SEMA7A: variants seen among roughly 807,000 people sequenced by gnomAD.
SEMA7A encodes semaphorin 7A (JohnMiltonHagen blood group).
SEMA7A carries 21 observed loss-of-function variants against 67.5 expected under a neutral mutation model. The observed-to-expected ratio is 0.31, with a 90% CI of 0.22 to 0.45. SEMA7A has a LOEUF of 0.45. Among genes scored for constraint, SEMA7A ranks in the 20% least tolerant of loss-of-function variants. The pLI is 1.00. For missense variants in SEMA7A, 774 were observed against 908.6 expected (o/e 0.85, Z 1.90); for synonymous variants, 364 against 368.5 (o/e 0.99, Z 0.14).
chr15:74,430,533 A>G (rs1009027422), intron 1 of SEMA7A, among the ~76,000 whole-genome samples: 3 of 152,136 alleles, frequency 2.0e-5, no homozygotes, highest in Non-Finnish European at 4.4e-5. Context: ...CCCCTATACC[A>G]TGGTCATCAT....
intron 8 of SEMA7A, 114 bp downstream of exon 8, chr15:74,415,687 C>A (rs1316826642): frequency 9.3e-6 from 10 of 1,073,640 alleles, no homozygotes; most frequent in Middle Eastern, 3.1e-4. Context: ...CCTCTTGAGC[C>A]TGCAGCCCCT....
Position 74,417,577 on chromosome 15 carries a change from C to T in SEMA7A, c.550+14G>A, listed in dbSNP as rs2060962411. 3 of 1,610,196 alleles carry T rather than the reference C, an allele frequency of 1.9e-6. No homozygotes were observed. The highest frequency in any genetic ancestry group is 1.6e-4 in the Middle Eastern group (1 of 6,076). ...AAGCATCCCCCTGGGGCGCCTGCTC[C>T]AGCACTGCCCTACCTTCAAACAGAA... On this transcript the variant is annotated intron_variant, in intron 5 of 13. Transcript: ENST00000261918.
intron 1 of SEMA7A, among the ~76,000 whole-genome samples, chr15:74,420,143 G>GC (rs2060987727): frequency 6.6e-6 from 1 of 152,186 alleles, no homozygotes; most frequent in Non-Finnish European, 1.5e-5. Context: ...CCTCAACTCT[G>GC]CCCCCGATCC....
At position 74,410,930 on chromosome 15, in the gene SEMA7A, G is replaced by C; in HGVS notation, c.1695C>G (p.Ser565Arg). ...SLAPNSRYYL[S>R]CPMESRHATY... ...TGGCGTGGCGGGATTCCATGGGGCAGCTCAGGTAGTAGCGAGAGTTTGGGG... is the reference window on the plus strand; with the variant it reads ...TGGCGTGGCGGGATTCCATGGGGCACCTCAGGTAGTAGCGAGAGTTTGGGG... The change falls in exon 14 of 14, where the codon AGC becomes AGG. Residue 565 changes from serine to arginine, a missense_variant. Physicochemically the swap from Ser to Arg is moderately radical, Grantham distance 110. Transcript: ENST00000261918. The surrounding 1 kb of genome is among the most constrained non-coding windows in gnomAD (Gnocchi z 7.5). The C allele has an allele frequency of 1.9e-6, 3 of 1,614,102 alleles. No individual in the cohort carries two copies. The highest frequency in any genetic ancestry group is 2.5e-6 in the Non-Finnish European group (3 of 1,180,026).
rs1215384105 is a variant in SEMA7A, at chr15:74,416,132, A to G, written c.802-147T>C. ...GGCCAGGACCTGCCGGGGGTGCCCC[A>G]GGACTCAGGGCAGGTCTCCAGATGA... On this transcript the variant is annotated intron_variant, in intron 7 of 13. Coordinates refer to ENST00000261918, the MANE Select transcript of SEMA7A (RefSeq NM_003612.5). 14 of 795,216 alleles carry G rather than the reference A, an allele frequency of 1.8e-5. No homozygotes were observed. The Admixed American group carries it at 3.7e-4, about 21-fold the overall frequency. The allele number at this position is 795,216 out of a possible 1,614,324, so 49.3% of individuals were successfully genotyped here.
At chr15:74,433,679 C>T in intron 1 of SEMA7A, 62 bp downstream of exon 1, 1 of 1,367,982 alleles carries the variant, frequency 7.3e-7, no homozygotes, top group Non-Finnish European at 9.4e-7. Flanking sequence ...GTGCAGCACA[C>T]TCCGCACCCG....
Position 74,411,022 on chromosome 15 carries a change from C to A in SEMA7A, c.1640-37G>T, listed in dbSNP as rs751198726. ...GTGGGGAAGCAGCCGTGAGGAGGGACAAAGAGCTCCCAGGGGAGGATGTGT... is the reference window on the plus strand; with the variant it reads ...GTGGGGAAGCAGCCGTGAGGAGGGAAAAAGAGCTCCCAGGGGAGGATGTGT... On this transcript the variant is annotated intron_variant, in intron 13 of 13. Coordinates refer to ENST00000261918, the MANE Select transcript of SEMA7A (RefSeq NM_003612.5). This position sits in a 1 kb window ranked among gnomAD's most constrained non-coding sequence, Gnocchi z 4.4. 6.3e-6 allele frequency: 10 copies of A among 1,587,692 alleles called. No individual in the cohort carries two copies. The Admixed American group carries it at 1.2e-4, about 19-fold the overall frequency.
chr15:74,418,392 C>T (rs1420750903), intron 2 of SEMA7A, 83 bp from the exon 3 acceptor site: 15 of 1,370,118 alleles, frequency 1.1e-5, no homozygotes, highest in Non-Finnish European at 1.5e-5. Context: ...TCAGGATAAG[C>T]CCCAAAGGAA....
At chr15:74,420,483 T>C (rs1274687703) in intron 1 of SEMA7A, among the ~76,000 whole-genome samples, 4 of 152,180 alleles carry the variant, frequency 2.6e-5, no homozygotes, top group Non-Finnish European at 5.9e-5. Context: ...GTGGCTCTCC[T>C]GGTGCACATC....
At chr15:74,427,754 T>G (rs1596199871) in intron 1 of SEMA7A, among the ~76,000 whole-genome samples, 1 of 152,156 alleles carries the variant, frequency 6.6e-6, no homozygotes, top group South Asian at 2.1e-4. Flanking sequence ...CACTGACCTT[T>G]CCTGCTCTCA....
Position 74,411,251 on chromosome 15 carries a change from C to G in SEMA7A, c.1639+44G>C, listed in dbSNP as rs535499535. On this transcript the variant is annotated intron_variant, in intron 13 of 13. Coordinates refer to ENST00000261918, the MANE Select transcript of SEMA7A (RefSeq NM_003612.5). This position sits in a 1 kb window ranked among gnomAD's most constrained non-coding sequence, Gnocchi z 4.4. Reference sequence around the variant, plus strand: ...CAGGACAATCAGGGCAGGGCAGTACCCCACTCATTGGGCCACAGCCGCCAG... The same window carrying G: ...CAGGACAATCAGGGCAGGGCAGTACGCCACTCATTGGGCCACAGCCGCCAG... The G allele has an allele frequency of 6.3e-7, 1 of 1,593,538 alleles. No homozygotes were observed. Among genetic ancestry groups the G allele is most frequent in the Admixed American group, 1.7e-5 (1 of 59,412 alleles).
At position 74,409,362 on chromosome 15, in the gene SEMA7A, CT is replaced by C. The variant is rs899000889; in HGVS notation, c.*1261del. ...TTGAGAAGAGGTGCAGGGGCCAAAG[CT>C]GGAAGGCCACTGGCCCCAGCCACTG... On this transcript the variant is annotated 3_prime_UTR_variant, in exon 14 of 14. Transcript: ENST00000261918. The C allele has an allele frequency of 2.0e-5, 3 of 152,270 alleles. No individual in the cohort carries two copies. Among genetic ancestry groups the C allele is most frequent in the Admixed American group, 2.0e-4 (3 of 15,294 alleles). The allele number at this position is 152,270 out of a possible 1,614,324, so 9.4% of individuals were successfully genotyped here. A position where few individuals can be genotyped will look rare whatever the true frequency, so the allele number is the denominator to read the frequency against.
rs780518698 is a variant in SEMA7A, at chr15:74,411,637, C to T, written c.1496G>A (p.Gly499Asp). The T allele has an allele frequency of 5.0e-6, 8 of 1,610,630 alleles. No individual in the cohort carries two copies. In the Admixed American group the frequency reaches 5.1e-5, roughly 10 times the overall value. Residue 499 changes from glycine (G) to aspartate (D), a missense_variant, in exon 12 of 14, where the codon GGC (glycine) becomes GAC (aspartate). Physicochemically the swap from Gly to Asp is moderately conservative, Grantham distance 94. This residue lies in a region of SEMA7A where 427 missense variants were observed against 555.4 expected (regional missense o/e 0.77). Transcript: ENST00000261918. This position sits in a 1 kb window ranked among gnomAD's most constrained non-coding sequence, Gnocchi z 4.4. ...TCGGGACATGAGGCAACCGTGGCAG[C>T]CCCCGCCATAGACCTCACACAGGTC... The part of the protein sequence containing the change: ...PLDLCEVYGG[G>D]CHGCLMSRDP...
rs1434815810 is a variant in SEMA7A at position 74,417,684 on chromosome 15, G to T, written c.466-9C>A. On this transcript the variant is annotated splice_polypyrimidine_tract_variant and intron_variant, in intron 4 of 13. Coordinates refer to ENST00000261918, the MANE Select transcript of SEMA7A (RefSeq NM_003612.5). Reference sequence around the variant, plus strand: ...ACCACAGTGCCATTCACCTGTGGGAGATCCAGAGGGTTGGATGGCCACATA... The same window carrying T: ...ACCACAGTGCCATTCACCTGTGGGATATCCAGAGGGTTGGATGGCCACATA... 2 of 1,606,738 alleles carry T rather than the reference G, an allele frequency of 1.2e-6. No homozygotes were observed. Among genetic ancestry groups the T allele is most frequent in the Non-Finnish European group, 1.7e-6 (2 of 1,176,724 alleles).
At chr15:74,433,500 A>C in intron 1 of SEMA7A, 1 of 1,139,530 alleles carries the variant, frequency 8.8e-7, no homozygotes, top group Non-Finnish European at 1.1e-6. Flanking sequence ...ACTTGGTGCG[A>C]CTTAGCCGGG....
chr15:74,415,754 G>A, intron 8 of SEMA7A, 47 bp downstream of exon 8: 2 of 1,554,860 alleles, frequency 1.3e-6, no homozygotes, highest in Non-Finnish European at 1.7e-6. Context: ...GTCCCTACTG[G>A]ACACTGAACC....
At position 74,410,332 on chromosome 15, in the gene SEMA7A, G is replaced by A. The variant is rs1042629043; in HGVS notation, c.*292C>T. On this transcript the variant is annotated 3_prime_UTR_variant, in exon 14 of 14. Transcript: ENST00000261918. The surrounding 1 kb of genome is among the most constrained non-coding windows in gnomAD (Gnocchi z 7.5). ...TGGGCTGGGAGCATCGCTGCATTTA[G>A]TCAAGTTTGAGGAGTCTGAAAAATA... 2.5e-6 allele frequency: 1 copy of A among 406,676 alleles called. No homozygotes were observed. Among genetic ancestry groups the A allele is most frequent in the African/African-American group, 2.1e-5 (1 of 48,762 alleles). 25.2% of individuals were successfully genotyped at this position (406,676 alleles called of 1,614,324 possible). A position where few individuals can be genotyped will look rare whatever the true frequency, so the allele number is the denominator to read the frequency against.
At chr15:74,417,182 A>G (rs1032634883) in intron 6 of SEMA7A, among the ~76,000 whole-genome samples, 153 bp downstream of exon 6, 10 of 151,912 alleles carry the variant, frequency 6.6e-5, no homozygotes, top group African/African-American at 1.9e-4. Context: ...CTCCCAGCCA[A>G]CCCTAACTTC....
chr15:74,411,416 A>G lies in SEMA7A; in HGVS notation c.1578-60T>C, dbSNP rs1184693110. ...ACAAGGCTGCAGACCTGACCCTCCT[A>G]TCCTTACCCCAGTGCAGTTCCAGCA... On this transcript the variant is annotated intron_variant, in intron 12 of 13. Transcript: ENST00000261918. This position sits in a 1 kb window ranked among gnomAD's most constrained non-coding sequence, Gnocchi z 4.4. 1.3e-6 allele frequency: 2 copies of G among 1,593,224 alleles called. No individual in the cohort carries two copies. The highest frequency in any genetic ancestry group is 1.3e-5 in the African/African-American group (1 of 74,684).
Sources: gnomAD v4.1 joint callset for allele counts (sites outside exome capture counted in the v4.1 genomes callset) on GRCh38, gnomAD v4.1.1 for gene constraint, gnomAD v4.1.1 regional missense constraint, Gnocchi (gnomAD v3.1) non-coding constraint, MANE v1.5 for transcripts, NCBI Gene and HGNC (gene_info 2026-07-23, HGNC 2026-07-21) for gene names.